KCNH1: variants seen among roughly 807,000 people sequenced by gnomAD.
KCNH1 encodes the protein potassium voltage-gated channel subfamily H member 1.
KCNH1 carries 27 observed loss-of-function variants against 69.2 expected under a neutral mutation model. The ratio of observed to expected loss-of-function variants is 0.39; its 90% confidence interval spans 0.29 to 0.54. The LOEUF (loss-of-function observed/expected upper bound fraction) is 0.54, where lower values mean the gene tolerates loss of function less well. Among genes scored for constraint, KCNH1 ranks in the 20% least tolerant of loss-of-function variants. The pLI is 0.68. For synonymous variants in KCNH1, 456 were observed against 487.7 expected (o/e 0.93, Z 0.86); for missense variants, 798 against 1,261.6 (o/e 0.63, Z 5.57).
chr1:210,699,346 T>G (rs939163248), intron 10 of KCNH1, among the ~76,000 whole-genome samples: 1 of 152,134 alleles, frequency 6.6e-6, no homozygotes, highest in Non-Finnish European at 1.5e-5. Context: ...CTGTATTTGG[T>G]CAAACCTGGG....
intron 5 of KCNH1, chr1:211,063,779 A>AC: frequency 6.6e-6 from 1 of 152,054 alleles, no homozygotes. Context: ...ATGGGTAAAA[A>AC]AATTACAGTT....
chr1:211,127,712 A>G (rs542716097), intron 1 of KCNH1, among the ~76,000 whole-genome samples: 1 of 152,302 alleles, frequency 6.6e-6, no homozygotes, highest in East Asian at 1.9e-4. Flanking sequence ...AGAAAATACC[A>G]AATGCTGGCA....
chr1:210,787,160 CT>C (rs56068839), intron 9 of KCNH1, among the ~76,000 whole-genome samples: 26,018 of 146,842 alleles, frequency 0.18, 2,351 homozygotes, highest in African/African-American at 0.24. Flanking sequence ...TTTGGAACTA[CT>C]TTTTTTTTTT....
At position 210,774,724 on chromosome 1, in the gene KCNH1, G is replaced by A. The variant is rs188977421; in HGVS notation, c.2112+624C>T. 1.1e-3 allele frequency among the ~76,000 whole-genome samples: 169 copies of A among 152,294 alleles called. 2 individuals carry two copies. Among genetic ancestry groups the A allele is most frequent in the Admixed American group, 0.011 (164 of 15,300 alleles). On this transcript the variant is annotated intron_variant, in intron 10 of 10. Coordinates refer to ENST00000271751, the MANE Select transcript of KCNH1 (RefSeq NM_172362.3). ...TACTTTAATCCTCACAGAGATAGAT[G>A]GAGGAGTTCTGATGATTTGAGAGTG...
At chr1:210,888,775 C>A (rs1022871776) in intron 7 of KCNH1, among the ~76,000 whole-genome samples, 1 of 152,180 alleles carries the variant, frequency 6.6e-6, no homozygotes, top group African/African-American at 2.4e-5. Flanking sequence ...ATACTATAAA[C>A]GCCTCTATGC....
chr1:210,796,751 A>G (rs995681400), intron 9 of KCNH1, among the ~76,000 whole-genome samples: 1 of 152,046 alleles, frequency 6.6e-6, no homozygotes, highest in African/African-American at 2.4e-5. Flanking sequence ...TTGCCACAGT[A>G]TTAGTTCAGG....
chr1:210,827,095 T>G (rs1003606424), intron 7 of KCNH1, among the ~76,000 whole-genome samples: 7 of 152,236 alleles, frequency 4.6e-5, no homozygotes, highest in Non-Finnish European at 7.3e-5. Flanking sequence ...CCCAGTATTT[T>G]GGGAGGCCGA....
chr1:211,006,465 TA>T (rs1558565072), intron 6 of KCNH1, among the ~76,000 whole-genome samples: 1 of 152,186 alleles, frequency 6.6e-6, no homozygotes, highest in Non-Finnish European at 1.5e-5. Flanking sequence ...ATCATTGTCC[TA>T]TTTAATTTAT....
intron 7 of KCNH1, among the ~76,000 whole-genome samples, chr1:210,884,288 T>C (rs1558510496): frequency 6.6e-6 from 1 of 152,066 alleles, no homozygotes; most frequent in Admixed American, 6.6e-5. Flanking sequence ...CAAAGCAACC[T>C]CCTTCTCAAA....
intron 7 of KCNH1, among the ~76,000 whole-genome samples, chr1:210,843,856 A>T (rs922196967): frequency 2.0e-5 from 3 of 152,190 alleles, no homozygotes; most frequent in Non-Finnish European, 4.4e-5. Context: ...TGTACCTCAC[A>T]TACAACTCTG....
intron 6 of KCNH1, among the ~76,000 whole-genome samples, chr1:210,967,859 A>AT (rs901428260): frequency 3.3e-5 from 5 of 149,844 alleles, no homozygotes; most frequent in Admixed American, 6.7e-5. Context: ...CTTGTTCTCA[A>AT]TTTTTTTTTC....
At chr1:210,953,136 T>A (rs1254662909) in intron 6 of KCNH1, among the ~76,000 whole-genome samples, 1 of 152,222 alleles carries the variant, frequency 6.6e-6, no homozygotes, top group Admixed American at 6.5e-5. Flanking sequence ...TAGCTACCTT[T>A]CTATTTTCTT....
intron 6 of KCNH1, among the ~76,000 whole-genome samples, chr1:210,941,460 T>G (rs920525664): frequency 1.3e-5 from 2 of 152,192 alleles, no homozygotes; most frequent in Non-Finnish European, 2.9e-5. Flanking sequence ...AAAGGTTCCC[T>G]GGAGTTTGGG....
At chr1:211,077,497 C>A (rs981874841) in intron 5 of KCNH1, among the ~76,000 whole-genome samples, 1 of 152,148 alleles carries the variant, frequency 6.6e-6, no homozygotes, top group Admixed American at 6.6e-5. Context: ...AAGTTCATAT[C>A]CAGCCAAACT....
chr1:210,817,202 CAAG>C (rs1282880026), intron 7 of KCNH1, among the ~76,000 whole-genome samples: 2 of 152,096 alleles, frequency 1.3e-5, no homozygotes, highest in East Asian at 1.9e-4. Flanking sequence ...CATGGGATGC[CAAG>C]AAGTAGAGAG....
intron 6 of KCNH1, among the ~76,000 whole-genome samples, chr1:210,971,891 G>C (rs1473059122): frequency 6.6e-6 from 1 of 152,046 alleles, no homozygotes; most frequent in East Asian, 1.9e-4. Flanking sequence ...CATGCTAAGA[G>C]AAATGGTGGA....
At chr1:211,079,028 C>G (rs981544049) in intron 5 of KCNH1, among the ~76,000 whole-genome samples, 30 of 151,456 alleles carry the variant, frequency 2.0e-4, no homozygotes, top group Non-Finnish European at 3.2e-4. Flanking sequence ...AATCCAGGAG[C>G]TGGTTTTTTG....
chr1:210,821,181 C>A (rs1031034151), intron 7 of KCNH1, among the ~76,000 whole-genome samples: 10 of 152,178 alleles, frequency 6.6e-5, no homozygotes, highest in Non-Finnish European at 1.3e-4. Flanking sequence ...TGATTACAAT[C>A]ATCTTGGTGG....
intron 5 of KCNH1, among the ~76,000 whole-genome samples, chr1:211,079,188 C>A (rs1690799471): frequency 1.3e-5 from 2 of 152,108 alleles, no homozygotes; most frequent in Admixed American, 6.6e-5. Flanking sequence ...ACTATAAACA[C>A]CTCTATGCAA....
Sources: gnomAD v4.1 joint callset for allele counts (sites outside exome capture counted in the v4.1 genomes callset) on GRCh38, gnomAD v4.1.1 for gene constraint, MANE v1.5 for transcripts, NCBI Gene and HGNC (gene_info 2026-07-23, HGNC 2026-07-21) for gene names.